GLP1R: variants seen among roughly 807,000 people sequenced by gnomAD.
GLP1R encodes the protein glucagon like peptide 1 receptor, also known as glucagon-like peptide 1 receptor.
A neutral mutation model predicts 68.4 loss-of-function variants in GLP1R; 32 were observed. The observed-to-expected ratio is 0.47, with a 90% CI of 0.35 to 0.63. The LOEUF is 0.63. Among genes scored for constraint, GLP1R ranks in the 20% least tolerant of loss-of-function variants. The pLI is 0.00. For synonymous variants in GLP1R, 263 were observed against 244.4 expected, an observed-to-expected ratio of 1.08 and a Z score of -0.71; for missense variants, 502 against 594.9, an observed-to-expected ratio of 0.84 and a Z score of 1.62.
At chr6:39,065,230 G>T (rs1242826229) in intron 3 of GLP1R, among the ~76,000 whole-genome samples, 1 of 152,196 alleles carries the variant, frequency 6.6e-6, no homozygotes, top group African/African-American at 2.4e-5. Flanking sequence ...CCCAGGGTCT[G>T]CTCTCCCCAA....
In GLP1R at chr6:39,086,679, C is replaced by T. The variant is rs1006694511; in HGVS notation, c.*606C>T. On this transcript the variant is annotated 3_prime_UTR_variant, in exon 13 of 13. Coordinates refer to ENST00000373256, the MANE Select transcript of GLP1R (RefSeq NM_002062.5). The surrounding 1 kb of genome is among the most constrained non-coding windows in gnomAD (Gnocchi z 4.5). Reference sequence around the variant, plus strand: ...TCTTTTTGAGGGGCTTTGTTTGGGCCACTGCCAGCAGCTGTTTCTGGAAAT... The same window carrying T: ...TCTTTTTGAGGGGCTTTGTTTGGGCTACTGCCAGCAGCTGTTTCTGGAAAT... The T allele has an allele frequency of 6.5e-6, 1 of 152,684 alleles. No individual in the cohort carries two copies. The highest frequency in any genetic ancestry group is 2.4e-5 in the African/African-American group (1 of 41,436). 9.5% of individuals were successfully genotyped at this position (152,684 alleles called of 1,614,324 possible).
rs369150149 is a variant in GLP1R, at chr6:39,086,075, A to G, written c.*2A>G. 7 of 1,612,692 alleles carry G rather than the reference A, an allele frequency of 4.3e-6. No individual in the cohort carries two copies. The highest frequency in any genetic ancestry group is 5.9e-6 in the Non-Finnish European group (7 of 1,179,556). ...ACTTGCCAGGCCTCCTGCAGCTGAG[A>G]CTCCAGCGCCTGCCCTCCCTGGGGT... On this transcript the variant is annotated 3_prime_UTR_variant, in exon 13 of 13. Transcript: ENST00000373256. This position sits in a 1 kb window ranked among gnomAD's most constrained non-coding sequence, Gnocchi z 4.5.
chr6:39,087,493 G>C lies in GLP1R; in HGVS notation c.*1420G>C, dbSNP rs1041713783. The C allele has an allele frequency of 6.6e-6, 1 of 152,220 alleles. No homozygotes were observed. The highest frequency in any genetic ancestry group is 6.5e-5 in the Admixed American group (1 of 15,280). 9.4% of individuals were successfully genotyped at this position (152,220 alleles called of 1,614,324 possible). Reference sequence around the variant, plus strand: ...ATGGCTATCCTAGAGAGGCTGGCAAGGAGTTCGTGGCTGCAAAAGAAGTTT... The same window carrying C: ...ATGGCTATCCTAGAGAGGCTGGCAACGAGTTCGTGGCTGCAAAAGAAGTTT... On this transcript the variant is annotated 3_prime_UTR_variant, in exon 13 of 13. Coordinates refer to ENST00000373256, the MANE Select transcript of GLP1R (RefSeq NM_002062.5).
rs373025051 is a variant in GLP1R at position 39,079,229 on chromosome 6, G to T, written c.1043+29G>T. The T allele has an allele frequency of 8.7e-6, 13 of 1,490,164 alleles. No individual in the cohort carries two copies. The highest frequency in any genetic ancestry group is 1.2e-5 in the Non-Finnish European group (13 of 1,066,830). The allele number at this position is 1,490,164 out of a possible 1,614,324, so 92.3% of individuals were successfully genotyped here. A position where few individuals can be genotyped will look rare whatever the true frequency, so the allele number is the denominator to read the frequency against. ...ATGTAACTGAGCTGGCTTTACTGAGGACCCTCAGCAAGTGCCCCTTTCCTT... is the reference window on the plus strand; with the variant it reads ...ATGTAACTGAGCTGGCTTTACTGAGTACCCTCAGCAAGTGCCCCTTTCCTT... On this transcript the variant is annotated intron_variant, in intron 10 of 12. Coordinates refer to ENST00000373256, the MANE Select transcript of GLP1R (RefSeq NM_002062.5). This position sits in a 1 kb window ranked among gnomAD's most constrained non-coding sequence, Gnocchi z 4.5.
intron 3 of GLP1R, 132 bp downstream of exon 3, chr6:39,057,711 G>C: frequency 1.7e-6 from 1 of 605,934 alleles, no homozygotes; most frequent in South Asian, 1.8e-5. Flanking sequence ...GGCCAGCAGT[G>C]GTGAGCCCCC....
At chr6:39,059,698 T>C (rs1253552041) in intron 3 of GLP1R, among the ~76,000 whole-genome samples, 1 of 152,140 alleles carries the variant, frequency 6.6e-6, no homozygotes, top group Non-Finnish European at 1.5e-5. Flanking sequence ...CCTCCCTGAC[T>C]TCCTGCAATA....
chr6:39,060,207 C>T (rs1768325667), intron 3 of GLP1R, among the ~76,000 whole-genome samples: 1 of 152,184 alleles, frequency 6.6e-6, no homozygotes, highest in South Asian at 2.1e-4. Context: ...TGTGTGGGAG[C>T]AGTTCTGAAG....
chr6:39,049,669 G>A lies in GLP1R; in HGVS notation c.78+751G>A, dbSNP rs1223230854. 1.3e-5 allele frequency among the ~76,000 whole-genome samples: 2 copies of A among 152,148 alleles called. No individual in the cohort carries two copies. The highest frequency in any genetic ancestry group is 1.3e-4 in the Admixed American group (2 of 15,284). On this transcript the variant is annotated intron_variant, in intron 1 of 12. Coordinates refer to ENST00000373256, the MANE Select transcript of GLP1R (RefSeq NM_002062.5). The surrounding 1 kb of genome is among the most constrained non-coding windows in gnomAD (Gnocchi z 4.5). ...CACTGACAGCAGGCCCCAAGAGAAG[G>A]CATACTGGGACACGCAAGAACACCT...
At position 39,073,773 on chromosome 6, in the gene GLP1R, A is replaced by C; in HGVS notation, c.823+4A>C. On this transcript the variant is annotated splice_donor_region_variant and intron_variant, in intron 7 of 12. Coordinates refer to ENST00000373256, the MANE Select transcript of GLP1R (RefSeq NM_002062.5). Reference sequence around the variant, plus strand: ...CTCTACGTGAGCATAGGCTGGGGTAAGAACCGCCATCACCCACCCTGGACC... The same window carrying C: ...CTCTACGTGAGCATAGGCTGGGGTACGAACCGCCATCACCCACCCTGGACC... 6.2e-7 allele frequency: 1 copy of C among 1,613,666 alleles called. No homozygotes were observed. The highest frequency in any genetic ancestry group is 8.5e-7 in the Non-Finnish European group (1 of 1,179,748).
intron 5 of GLP1R, among the ~76,000 whole-genome samples, chr6:39,068,994 A>C (rs1489505830): frequency 6.6e-6 from 1 of 152,162 alleles, no homozygotes; most frequent in Non-Finnish European, 1.5e-5. Context: ...CCAAATCTTT[A>C]AGTTCTCCTT....
chr6:39,089,542 C>A lies in GLP1R; in HGVS notation c.*3469C>A, dbSNP rs1769233454. Among the ~76,000 whole-genome samples the A allele has an allele frequency of 6.6e-6, 1 of 152,208 alleles. No homozygotes were observed. The highest frequency in any genetic ancestry group is 2.4e-5 in the African/African-American group (1 of 41,456). On this transcript the variant is annotated 3_prime_UTR_variant, in exon 13 of 13. Transcript: ENST00000373256. This position sits in a 1 kb window ranked among gnomAD's most constrained non-coding sequence, Gnocchi z 4.1. ...GTTGGCTGTGTACTATCCAGCAGCTCACAGTCAGGAGACCTCCCCTCCTCA... is the reference window on the plus strand; with the variant it reads ...GTTGGCTGTGTACTATCCAGCAGCTAACAGTCAGGAGACCTCCCCTCCTCA...
In GLP1R at chr6:39,057,585, C is replaced by A. The variant is rs777268620; in HGVS notation, c.283+6C>A. 5.7e-5 allele frequency: 88 copies of A among 1,551,824 alleles called. No individual in the cohort carries two copies. Among genetic ancestry groups the A allele is most frequent in the South Asian group, 8.0e-5 (7 of 87,972 alleles). On this transcript the variant is annotated splice_donor_region_variant and intron_variant, in intron 3 of 12. Transcript: ENST00000373256. ...CCTGCCCTGGGCCAGCAGTGGTGAG[C>A]CCCCTCCCCGACCTGGTACCTGCCC...
At position 39,049,788 on chromosome 6, in the gene GLP1R, G is replaced by C. The variant is rs182307455; in HGVS notation, c.78+870G>C. ...TGCTTTTCCTGCCCTGGGATCCTGG[G>C]CTAGGGACAGTGGTCAGCTGCTTTT... On this transcript the variant is annotated intron_variant, in intron 1 of 12. Coordinates refer to ENST00000373256, the MANE Select transcript of GLP1R (RefSeq NM_002062.5). This position sits in a 1 kb window ranked among gnomAD's most constrained non-coding sequence, Gnocchi z 4.5. 6.6e-6 allele frequency among the ~76,000 whole-genome samples: 1 copy of C among 152,308 alleles called. No individual in the cohort carries two copies. The highest frequency in any genetic ancestry group is 1.5e-5 in the Non-Finnish European group (1 of 68,032).
chr6:39,066,218 C>T lies in GLP1R; in HGVS notation c.424C>T (p.Leu142=), dbSNP rs374562297. 2.0e-5 allele frequency: 32 copies of T among 1,609,990 alleles called. No homozygotes were observed. The highest frequency in any genetic ancestry group is 2.4e-5 in the Non-Finnish European group (28 of 1,176,498). Residue 142 remains leucine (L), a synonymous_variant, in exon 5 of 13, where the codon CTG becomes TTG. Coordinates refer to ENST00000373256, the MANE Select transcript of GLP1R (RefSeq NM_002062.5). The part of the protein sequence containing the change: ...GERSSPEEQL[L]FLYIIYTVGY... ...ACAGAGCTCCCCGGAGGAGCAGCTCCTGTTCCTCTACATCATCTACACGGT... is the reference window on the plus strand; with the variant it reads ...ACAGAGCTCCCCGGAGGAGCAGCTCTTGTTCCTCTACATCATCTACACGGT...
At chr6:39,050,826 C>CT (rs1768070671) in intron 1 of GLP1R, among the ~76,000 whole-genome samples, 2 of 152,136 alleles carry the variant, frequency 1.3e-5, no homozygotes, top group South Asian at 4.1e-4. Context: ...AGAGGGTCCC[C>CT]TGTATAAAGT....
chr6:39,053,715 C>T (rs913866628), intron 1 of GLP1R, among the ~76,000 whole-genome samples: 1 of 152,202 alleles, frequency 6.6e-6, no homozygotes, highest in African/African-American at 2.4e-5. Context: ...GGTTGCAAAC[C>T]TAATATCTGG....
At chr6:39,075,687 C>T (rs534182641) in intron 7 of GLP1R, among the ~76,000 whole-genome samples, 7 of 152,218 alleles carry the variant, frequency 4.6e-5, no homozygotes, top group South Asian at 2.1e-4. Context: ...GGAGCTCAGA[C>T]GTGATGCCAG....
At chr6:39,060,496 A>G (rs1160689223) in intron 3 of GLP1R, among the ~76,000 whole-genome samples, 1 of 152,210 alleles carries the variant, frequency 6.6e-6, no homozygotes, top group Non-Finnish European at 1.5e-5. Flanking sequence ...AGGGACAAGA[A>G]TGGGGCTGGG....
intron 1 of GLP1R, among the ~76,000 whole-genome samples, chr6:39,051,710 G>A (rs1319880154): frequency 6.6e-6 from 1 of 152,118 alleles, no homozygotes; most frequent in Non-Finnish European, 1.5e-5. Context: ...AGGGGGAGAA[G>A]GGAGTAGGCT....
Sources: allele counts gnomAD v4.1 joint callset (sites outside exome capture counted in the v4.1 genomes callset), GRCh38; gene constraint gnomAD v4.1.1; non-coding constraint Gnocchi (gnomAD v3.1); transcripts MANE v1.5; gene names NCBI Gene and HGNC (gene_info 2026-07-23, HGNC 2026-07-21).